SMYD3: variants seen among roughly 807,000 people sequenced by gnomAD.
The protein encoded by SMYD3 is SET and MYND domain containing 3, also known as histone-lysine N-methyltransferase SMYD3.
Under a neutral mutation model 57.7 loss-of-function variants are expected in SMYD3, and 36 were observed. The observed-to-expected ratio is 0.62, with a 90% CI of 0.48 to 0.82. The LOEUF (loss-of-function observed/expected upper bound fraction) is 0.82. SMYD3 is among the 40% of genes least tolerant of loss of function. The pLI is 0.00. For missense variants in SMYD3, 515 were observed against 538.8 expected, an observed-to-expected ratio of 0.96 and a Z score of 0.44; for synonymous variants, 211 against 195.0, an observed-to-expected ratio of 1.08 and a Z score of -0.68.
chr1:246,381,160 A>G (rs2066380760), intron 1 of SMYD3, among the ~76,000 whole-genome samples: 1 of 152,190 alleles, frequency 6.6e-6, no homozygotes, highest in Admixed American at 6.5e-5. Flanking sequence ...CTAGGCCTCT[A>G]GTCTTAAAGG....
At chr1:246,340,995 GA>G (rs397863558) in intron 2 of SMYD3, among the ~76,000 whole-genome samples, 73 of 146,558 alleles carry the variant, frequency 5.0e-4, no homozygotes, top group South Asian at 4.8e-3. Flanking sequence ...GTCTCAGGGG[GA>G]AAAAAAAAAG....
chr1:246,455,278 A>C (rs4654257), intron 1 of SMYD3, among the ~76,000 whole-genome samples: 36,591 of 152,134 alleles, frequency 0.24, 4,643 homozygotes, highest in Middle Eastern at 0.32. Context: ...AGGAAGATAG[A>C]GAATTGGAAA....
chr1:246,048,407 A>C (rs971321949), intron 5 of SMYD3, among the ~76,000 whole-genome samples: 1 of 152,214 alleles, frequency 6.6e-6, no homozygotes, highest in Admixed American at 6.5e-5. Flanking sequence ...TAAAAGGGCC[A>C]GTGTGCAAAG....
chr1:246,444,274 T>C (rs371014355), intron 1 of SMYD3, among the ~76,000 whole-genome samples: 391 of 147,648 alleles, frequency 2.6e-3, no homozygotes, highest in African/African-American at 7.5e-3. Flanking sequence ...TACAGGCATG[T>C]GCCACCACGC....
intron 5 of SMYD3, among the ~76,000 whole-genome samples, chr1:246,042,176 T>G (rs1255069270): frequency 6.6e-6 from 1 of 152,168 alleles, no homozygotes; most frequent in Non-Finnish European, 1.5e-5. Context: ...AAGCTAATAT[T>G]TCCCTCTAAA....
At chr1:246,088,188 T>C (rs2060752101) in intron 5 of SMYD3, among the ~76,000 whole-genome samples, 1 of 152,024 alleles carries the variant, frequency 6.6e-6, no homozygotes. Flanking sequence ...CACGGAAAGG[T>C]AACCCAGGTA....
In SMYD3 at chr1:245,786,842, T is replaced by C. The variant is rs543593985; in HGVS notation, c.1077-22693A>G. Among the ~76,000 whole-genome samples, 3 of 152,352 alleles carry C rather than the reference T, an allele frequency of 2.0e-5. No individual in the cohort carries two copies. In the South Asian group the frequency reaches 6.2e-4, roughly 32 times the overall value. On this transcript the variant is annotated intron_variant, in intron 10 of 11. Transcript: ENST00000490107. ...ACTGTTGCTACCAGCTGTGATTCCA[T>C]TTAAGACACCATTTGTGGAAAATAT...
At chr1:246,443,278 T>G (rs2067498825) in intron 1 of SMYD3, among the ~76,000 whole-genome samples, 1 of 152,226 alleles carries the variant, frequency 6.6e-6, no homozygotes, top group South Asian at 2.1e-4. Flanking sequence ...TTTCTCCATC[T>G]GCAAGTACAG....
At position 246,084,946 on chromosome 1, in the gene SMYD3, C is replaced by T. The variant is rs151028701; in HGVS notation, c.532-155009G>A. On this transcript the variant is annotated intron_variant, in intron 5 of 11. Transcript: ENST00000490107. The stretch of plus-strand genomic sequence containing the variant: ...GCACATTATTTTACCCCTAAAGATG[C>T]GCATTAACATTTTGTGATTAGAGTA... Among the ~76,000 whole-genome samples, 206 of 152,190 alleles carry T rather than the reference C, an allele frequency of 1.4e-3. 1 individual carries two copies. Among genetic ancestry groups the T allele is most frequent in the African/African-American group, 4.1e-3 (172 of 41,520 alleles).
At position 245,863,592 on chromosome 1, in the gene SMYD3, T is replaced by C. The variant is rs113552444; in HGVS notation, c.901+207A>G. Among the ~76,000 whole-genome samples, 224 of 152,290 alleles carry C rather than the reference T, an allele frequency of 1.5e-3. 2 individuals carry two copies. The highest frequency in any genetic ancestry group is 4.7e-3 in the African/African-American group (194 of 41,558). On this transcript the variant is annotated intron_variant, in intron 9 of 11. Coordinates refer to ENST00000490107, the MANE Select transcript of SMYD3 (RefSeq NM_001167740.2). ...TTATTACCTAACGGTAGTGAGTTAT[T>C]ATTCACGCTGATTTTGCCACGAACT...
rs6702358 is a variant in SMYD3 at position 246,355,508 on chromosome 1, T to C, written c.165-414A>G. ...CCTGAGACTCTGAAAAGATGTGAGCTGCCTGCTTGCTCAGCAGGGAGGCTG... is the reference window on the plus strand; with the variant it reads ...CCTGAGACTCTGAAAAGATGTGAGCCGCCTGCTTGCTCAGCAGGGAGGCTG... On this transcript the variant is annotated intron_variant, in intron 1 of 11. Coordinates refer to ENST00000490107, the MANE Select transcript of SMYD3 (RefSeq NM_001167740.2). This position sits in a 1 kb window ranked among gnomAD's most constrained non-coding sequence, Gnocchi z 5.0. 0.53 allele frequency among the ~76,000 whole-genome samples: 81,266 copies of C among 151,960 alleles called. 22,487 individuals are homozygous for C. Among genetic ancestry groups the C allele is most frequent in the Middle Eastern group, 0.71 (210 of 294 alleles).
At chr1:245,863,184 G>A (rs1364441177) in intron 9 of SMYD3, among the ~76,000 whole-genome samples, 1 of 152,080 alleles carries the variant, frequency 6.6e-6, no homozygotes, top group Non-Finnish European at 1.5e-5. Context: ...TACCAGGAGC[G>A]GCCTCCTTCT....
chr1:246,076,296 A>C (rs2147813610), intron 5 of SMYD3, among the ~76,000 whole-genome samples: 2 of 152,322 alleles, frequency 1.3e-5, no homozygotes, highest in Admixed American at 1.3e-4. Context: ...AATTCAAAGA[A>C]AAGACAGAGC....
At chr1:245,800,340 C>G (rs909982758) in intron 10 of SMYD3, among the ~76,000 whole-genome samples, 1 of 152,070 alleles carries the variant, frequency 6.6e-6, no homozygotes, top group Non-Finnish European at 1.5e-5. Context: ...TCATGCAGTT[C>G]ATAACTATAC....
intron 8 of SMYD3, among the ~76,000 whole-genome samples, chr1:245,885,709 A>G (rs912582549): frequency 1.3e-5 from 2 of 152,140 alleles, no homozygotes; most frequent in African/African-American, 4.8e-5. Flanking sequence ...GGGCCACTAT[A>G]TAGTTATGGG....
intron 8 of SMYD3, among the ~76,000 whole-genome samples, chr1:245,870,357 G>C (rs957800929): frequency 6.6e-6 from 1 of 152,112 alleles, no homozygotes; most frequent in Non-Finnish European, 1.5e-5. Context: ...CCCCAGCACA[G>C]GAAACCCCAC....
chr1:246,229,211 C>T (rs560355400), intron 5 of SMYD3, among the ~76,000 whole-genome samples: 5 of 152,008 alleles, frequency 3.3e-5, no homozygotes, highest in Non-Finnish European at 7.4e-5. Flanking sequence ...TTCTACATTA[C>T]CGTTCTCTTG....
At chr1:246,104,283 T>C (rs966081383) in intron 5 of SMYD3, among the ~76,000 whole-genome samples, 1 of 152,198 alleles carries the variant, frequency 6.6e-6, no homozygotes, top group Non-Finnish European at 1.5e-5. Context: ...TGAGTTAACA[T>C]AAAATACTTT....
At chr1:245,952,885 T>C (rs1275520216) in intron 5 of SMYD3, among the ~76,000 whole-genome samples, 1 of 152,184 alleles carries the variant, frequency 6.6e-6, no homozygotes, top group Non-Finnish European at 1.5e-5. Flanking sequence ...TGCAAAAGCC[T>C]CTACCCATTG....
Sources: allele counts gnomAD v4.1 joint callset (sites outside exome capture counted in the v4.1 genomes callset), GRCh38; gene constraint gnomAD v4.1.1; non-coding constraint Gnocchi (gnomAD v3.1); transcripts MANE v1.5; gene names NCBI Gene and HGNC (gene_info 2026-07-23, HGNC 2026-07-21).